Variants in PML observed in about 807,000 individuals in gnomAD.
PML encodes the protein PML nuclear body scaffold.
PML carries 28 observed loss-of-function variants against 65.2 expected under a neutral mutation model. The ratio of observed to expected loss-of-function variants is 0.43; its 90% CI spans 0.32 to 0.59. The LOEUF (loss-of-function observed/expected upper bound fraction) is 0.59, where lower values mean the gene tolerates loss of function less well. PML is among the 20% of genes least tolerant of loss of function. The pLI is 0.08. For synonymous variants in PML, 500 were observed against 508.8 expected (o/e 0.98, Z 0.23); for missense variants, 1,021 against 1,203.4 (o/e 0.85, Z 2.24).
Position 74,037,741 on chromosome 15 carries a change from T to C in PML, c.1710+3211T>C. 1.0e-6 allele frequency: 1 copy of C among 983,582 alleles called. No homozygotes were observed. Among genetic ancestry groups the C allele is most frequent in the African/African-American group, 1.7e-5 (1 of 57,280 alleles). The allele number at this position is 983,582 out of a possible 1,614,324, so 60.9% of individuals were successfully genotyped here. A position where few individuals can be genotyped will look rare whatever the true frequency, so the allele number is the denominator to read the frequency against. On this transcript the variant is annotated intron_variant, in intron 7 of 8. Coordinates refer to ENST00000268058, the MANE Select transcript of PML (RefSeq NM_033238.3). The surrounding 1 kb of genome is among the most constrained non-coding windows in gnomAD (Gnocchi z 4.2). ...ATGCAGCTCTGGGCACTCCTCCCTC[T>C]CCTCTGCAGGCTCTGTTTTTTCTTG...
At chr15:74,041,238 G>C (rs575515462) in intron 7 of PML, 1 of 152,478 alleles carries the variant, frequency 6.6e-6, no homozygotes, top group Non-Finnish European at 1.5e-5. Context: ...GACCCAGAAG[G>C]GGAGCCCAGC....
In PML at chr15:74,037,796, G is replaced by A. The variant is rs1319850113; in HGVS notation, c.1710+3266G>A. 1 of 827,644 alleles carries A rather than the reference G, an allele frequency of 1.2e-6. No individual in the cohort carries two copies. The highest frequency in any genetic ancestry group is 6.2e-5 in the Admixed American group (1 of 16,054). 51.3% of individuals were successfully genotyped at this position (827,644 alleles called of 1,614,324 possible). The stretch of plus-strand genomic sequence containing the variant: ...TGGTGCTCCTGCAGGTTTGCTGCTG[G>A]GCCCTTTCCTCTTTTCAGTCTGTGT... On this transcript the variant is annotated intron_variant, in intron 7 of 8. Transcript: ENST00000268058. This position sits in a 1 kb window ranked among gnomAD's most constrained non-coding sequence, Gnocchi z 4.2.
chr15:74,037,540 T>G lies in PML; in HGVS notation c.1710+3010T>G. On this transcript the variant is annotated intron_variant, in intron 7 of 8. Coordinates refer to ENST00000268058, the MANE Select transcript of PML (RefSeq NM_033238.3). The surrounding 1 kb of genome is among the most constrained non-coding windows in gnomAD (Gnocchi z 4.2). ...CTCTCCAGCTGTCGGCTCCCCTTCC[T>G]CTGCTCTCCTTGTTTACACTTCAGC... 2 of 985,376 alleles carry G rather than the reference T, an allele frequency of 2.0e-6. No homozygotes were observed. The highest frequency in any genetic ancestry group is 2.4e-6 in the Non-Finnish European group (2 of 829,902). The allele number at this position is 985,376 out of a possible 1,614,324, so 61.0% of individuals were successfully genotyped here.
chr15:74,044,766 G>T lies in PML; in HGVS notation c.2407G>T (p.Val803Leu), dbSNP rs202062354. The T allele has an allele frequency of 5.0e-6, 8 of 1,612,856 alleles. No individual in the cohort carries two copies. Among genetic ancestry groups the T allele is most frequent in the Non-Finnish European group, 5.9e-6 (7 of 1,180,012 alleles). Residue 803 changes from valine to leucine, a missense_variant, in exon 9 of 9, where the codon GTG becomes TTG. Val to Leu is a conservative substitution (Grantham distance 32). Coordinates refer to ENST00000268058, the MANE Select transcript of PML (RefSeq NM_033238.3). The stretch of plus-strand genomic sequence containing the variant: ...GGCCCGCCTCCTGGCCCTACACAAC[G>T]TGAGCTTCATGGAGCTGCTGAGTGC... ...AEARLLALHN[V>L]SFMELLSAHR...
At chr15:74,001,719 G>A (rs1489671589) in intron 2 of PML, among the ~76,000 whole-genome samples, 3 of 152,100 alleles carry the variant, frequency 2.0e-5, no homozygotes, top group African/African-American at 4.8e-5. Flanking sequence ...CTTCATTAGT[G>A]TTCTCATAGT....
chr15:74,043,888 A>C lies in PML; in HGVS notation c.1862-333A>C. On this transcript the variant is annotated intron_variant, in intron 8 of 8. Coordinates refer to ENST00000268058, the MANE Select transcript of PML (RefSeq NM_033238.3). The surrounding 1 kb of genome is among the most constrained non-coding windows in gnomAD (Gnocchi z 4.3). ...GAGAGCTAAGTTCAAGCAGCCTGGGATCTCTAGTATAGGTGGCTGAGGCTG... is the reference window on the plus strand; with the variant it reads ...GAGAGCTAAGTTCAAGCAGCCTGGGCTCTCTAGTATAGGTGGCTGAGGCTG... The C allele has an allele frequency of 1.9e-6, 1 of 513,642 alleles. No homozygotes were observed. Among genetic ancestry groups the C allele is most frequent in the Non-Finnish European group, 3.7e-6 (1 of 272,276 alleles). The allele number at this position is 513,642 out of a possible 1,614,324, so 31.8% of individuals were successfully genotyped here.
chr15:74,020,607 T>C (rs577703012), intron 2 of PML, among the ~76,000 whole-genome samples: 1 of 152,330 alleles, frequency 6.6e-6, no homozygotes, highest in South Asian at 2.1e-4. Flanking sequence ...TTCGCTGCTG[T>C]AACAAACTAC....
Position 74,035,263 on chromosome 15 carries a change from A to C in PML, c.1710+733A>C, listed in dbSNP as rs778383459. The C allele has an allele frequency of 3.7e-6, 6 of 1,612,758 alleles. No individual in the cohort carries two copies. Among genetic ancestry groups the C allele is most frequent in the Non-Finnish European group, 5.1e-6 (6 of 1,179,612 alleles). On this transcript the variant is annotated intron_variant, in intron 7 of 8. Transcript: ENST00000268058. This position sits in a 1 kb window ranked among gnomAD's most constrained non-coding sequence, Gnocchi z 4.1. ...TCGCCAGCCCACTCCTCGCCAGTCC[A>C]GTCTCTGCTGAGAGCACAAGGAGCC...
intron 1 of PML, among the ~76,000 whole-genome samples, chr15:73,996,946 A>G (rs978442281): frequency 2.0e-5 from 3 of 152,376 alleles, no homozygotes; most frequent in African/African-American, 7.2e-5. Context: ...AGAATTGGAC[A>G]AAATGTACAG....
At chr15:74,003,186 C>A (rs1319902309) in intron 2 of PML, among the ~76,000 whole-genome samples, 1 of 151,990 alleles carries the variant, frequency 6.6e-6, no homozygotes, top group Non-Finnish European at 1.5e-5. Flanking sequence ...GTAATCCCAG[C>A]ACTTTGGGAG....
chr15:73,996,003 C>T (rs561584358), intron 1 of PML, among the ~76,000 whole-genome samples: 164 of 152,288 alleles, frequency 1.1e-3, no homozygotes, highest in South Asian at 2.3e-3. Context: ...CCACCCACCT[C>T]GGCCTCCCAA....
chr15:73,995,885 G>T (rs1271107814), intron 1 of PML, among the ~76,000 whole-genome samples: 4 of 152,100 alleles, frequency 2.6e-5, no homozygotes, highest in Non-Finnish European at 5.9e-5. Context: ...CTCCCGAGTA[G>T]CTGGGATTAC....
rs538088136 is a variant in PML at position 74,037,713 on chromosome 15, C to G, written c.1710+3183C>G. On this transcript the variant is annotated intron_variant, in intron 7 of 8. Transcript: ENST00000268058. The surrounding 1 kb of genome is among the most constrained non-coding windows in gnomAD (Gnocchi z 4.2). ...GTCTTTCCTGGAAAGATCGCCTGCT[C>G]GGATGCAGCTCTGGGCACTCCTCCC... 2.0e-6 allele frequency: 2 copies of G among 985,200 alleles called. No individual in the cohort carries two copies. Among genetic ancestry groups the G allele is most frequent in the Non-Finnish European group, 2.4e-6 (2 of 829,886 alleles). 61.0% of individuals were successfully genotyped at this position (985,200 alleles called of 1,614,324 possible).
At chr15:74,039,027 T>C (rs923977694) in intron 7 of PML, among the ~76,000 whole-genome samples, 3 of 152,272 alleles carry the variant, frequency 2.0e-5, no homozygotes, top group East Asian at 1.9e-4. Flanking sequence ...GGATCCAAAG[T>C]GGAAAAGATA....
chr15:74,003,957 TG>T (rs1345527175), intron 2 of PML, among the ~76,000 whole-genome samples: 4 of 152,220 alleles, frequency 2.6e-5, no homozygotes, highest in African/African-American at 9.6e-5. Flanking sequence ...TGTAAAATTC[TG>T]AGGTCATAAT....
intron 2 of PML, among the ~76,000 whole-genome samples, chr15:74,022,116 C>G (rs1359382622): frequency 6.6e-6 from 1 of 152,148 alleles, no homozygotes; most frequent in Non-Finnish European, 1.5e-5. Context: ...CGGCAACACA[C>G]CCGGCTAATT....
rs748216366 is a variant in PML at position 74,022,959 on chromosome 15, A to G, written c.734A>G (p.Gln245Arg). ...QRQEELDAMT[Q>R]ALQEQDSAFG... ...CAGGAGGAGCTGGACGCCATGACGC[A>G]GGCGCTGCAGGAGCAGGATAGTGCC... is the stretch of plus-strand genomic sequence containing the variant. Residue 245 changes from glutamine to arginine, a missense_variant, in exon 3 of 9, where the codon CAG becomes CGG. Coordinates refer to ENST00000268058, the MANE Select transcript of PML (RefSeq NM_033238.3). The G allele has an allele frequency of 5.0e-6, 8 of 1,610,640 alleles. No individual in the cohort carries two copies. In the Admixed American group the frequency reaches 1.3e-4, roughly 27 times the overall value.
chr15:74,039,759 C>A (rs150084662), intron 7 of PML, among the ~76,000 whole-genome samples: 1 of 152,286 alleles, frequency 6.6e-6, no homozygotes, highest in East Asian at 1.9e-4. Context: ...GGATTCATTG[C>A]ATGTCTGTGG....
In PML at chr15:74,035,508, A is replaced by G. The variant is rs763750133; in HGVS notation, c.1710+978A>G. ...GCACCCTCAATTGCATCGGGCCCCT[A>G]TTCGGACTTGGTCTCCCCATGTGGT... On this transcript the variant is annotated intron_variant, in intron 7 of 8. Coordinates refer to ENST00000268058, the MANE Select transcript of PML (RefSeq NM_033238.3). This position sits in a 1 kb window ranked among gnomAD's most constrained non-coding sequence, Gnocchi z 4.1. The G allele has an allele frequency of 3.7e-6, 6 of 1,611,544 alleles. No individual in the cohort carries two copies. Among genetic ancestry groups the G allele is most frequent in the South Asian group, 3.3e-5 (3 of 91,064 alleles).
Sources: allele counts gnomAD v4.1 joint callset (sites outside exome capture counted in the v4.1 genomes callset), GRCh38; gene constraint gnomAD v4.1.1; non-coding constraint Gnocchi (gnomAD v3.1); transcripts MANE v1.5; gene names NCBI Gene and HGNC (gene_info 2026-07-23, HGNC 2026-07-21).